CATSPER2: variants seen among roughly 807,000 people sequenced by gnomAD.
The protein encoded by CATSPER2 is cation channel sperm-associated protein 2.
A neutral mutation model predicts 68.8 loss-of-function variants in CATSPER2; 56 were observed. That is an observed-to-expected ratio of 0.81 (90% confidence interval 0.66 to 1.02). The LOEUF (loss-of-function observed/expected upper bound fraction) is 1.02, where lower values mean the gene tolerates loss of function less well. Ranked by LOEUF, CATSPER2 falls within the 50% of genes least tolerant of loss-of-function variation. The pLI, the probability that CATSPER2 is intolerant of heterozygous loss-of-function variation, is 0.00. For missense variants in CATSPER2, 582 were observed against 642.0 expected, an observed-to-expected ratio of 0.91 and a Z score of 1.01; for synonymous variants, 198 against 229.9, an observed-to-expected ratio of 0.86 and a Z score of 1.26.
intron 7 of CATSPER2, 39 bp from the exon 8 acceptor site, chr15:43,636,258 C>G (rs769193133): frequency 1.9e-6 from 3 of 1,607,814 alleles, no homozygotes; most frequent in Non-Finnish European, 2.6e-6. Context: ...AAGCAGAGAC[C>G]TAAACCTTTC....
intron 11 of CATSPER2, 136 bp downstream of exon 11, chr15:43,632,581 A>G: frequency 1.3e-6 from 2 of 1,546,250 alleles, no homozygotes; most frequent in East Asian, 2.2e-5. Context: ...GGAAATTAAG[A>G]AGCAAAAACA....
At chr15:43,646,686 A>T (rs1385493391) in intron 4 of CATSPER2, among the ~76,000 whole-genome samples, 2 of 150,902 alleles carry the variant, frequency 1.3e-5, no homozygotes, top group Non-Finnish European at 3.0e-5. Context: ...AGAAAAAAAA[A>T]TTACTCCTAC....
intron 5 of CATSPER2, chr15:43,640,003 A>C (rs2086044451): frequency 1.4e-6 from 2 of 1,448,168 alleles, no homozygotes; most frequent in Non-Finnish European, 1.8e-6. Flanking sequence ...AGGGGGATAA[A>C]ATTCATGGTT....
rs1486041851 is a variant in CATSPER2, at chr15:43,636,590, C to A, written c.843-371G>T. Among the ~76,000 whole-genome samples the A allele has an allele frequency of 3.3e-5, 5 of 151,446 alleles. No homozygotes were observed. The South Asian group carries it at 1.0e-3, about 32-fold the overall frequency. On this transcript the variant is annotated intron_variant, in intron 7 of 12. Transcript: ENST00000396879. Reference sequence around the variant, plus strand: ...ATTTTTAGTAGAGATGGGGTTTTGTCATGTTGGCCAGGCTGGTCTCGAACT... The same window carrying A: ...ATTTTTAGTAGAGATGGGGTTTTGTAATGTTGGCCAGGCTGGTCTCGAACT...
intron 7 of CATSPER2, among the ~76,000 whole-genome samples, chr15:43,637,189 A>T (rs1468744065): frequency 6.6e-6 from 1 of 151,950 alleles, no homozygotes; most frequent in African/African-American, 2.4e-5. Context: ...TCGCAAATTT[A>T]GCAAAATTTA....
chr15:43,645,458 C>T (rs1202872764), intron 4 of CATSPER2, among the ~76,000 whole-genome samples: 1 of 151,798 alleles, frequency 6.6e-6, no homozygotes, highest in Non-Finnish European at 1.5e-5. Flanking sequence ...GTGAAATAAA[C>T]AGCCAAGAGC....
At position 43,628,869 on chromosome 15, in the gene CATSPER2, G is replaced by C. The variant is rs1197983346; in HGVS notation, c.*1832C>G. ...CCAAATTTTAAGTGTACATTTTGTT[G>C]AATTTTTACATCTGTATATACCGGT... On this transcript the variant is annotated 3_prime_UTR_variant, in exon 13 of 13. Transcript: ENST00000396879. 1 of 146,170 alleles carries C rather than the reference G, an allele frequency of 6.8e-6. No homozygotes were observed. Among genetic ancestry groups the C allele is most frequent in the Non-Finnish European group, 1.5e-5 (1 of 67,312 alleles). The allele number at this position is 146,170 out of a possible 1,614,324, so 9.1% of individuals were successfully genotyped here.
chr15:43,639,590 C>G, intron 6 of CATSPER2, 53 bp downstream of exon 6: 2 of 1,610,140 alleles, frequency 1.2e-6, no homozygotes, highest in Non-Finnish European at 1.7e-6. Flanking sequence ...CTATGTTAAG[C>G]CCTCACATTT....
intron 2 of CATSPER2, 89 bp downstream of exon 2, chr15:43,647,828 C>G: frequency 6.9e-6 from 10 of 1,459,650 alleles, no homozygotes; most frequent in Non-Finnish European, 9.6e-6. Context: ...AAACCAGCAA[C>G]TAAACCTCCC....
chr15:43,635,559 C>T, intron 9 of CATSPER2, 143 bp from the exon 10 acceptor site: 4 of 1,089,086 alleles, frequency 3.7e-6, no homozygotes, highest in South Asian at 1.3e-5. Flanking sequence ...ATGGAGGACA[C>T]CCCACAGTGG....
rs12898584 is a variant in CATSPER2 at position 43,635,172 on chromosome 15, T to C, written c.1178+188A>G. On this transcript the variant is annotated intron_variant, in intron 10 of 12. Coordinates refer to ENST00000396879, the MANE Select transcript of CATSPER2 (RefSeq NM_172095.4). ...CTTAGGATCTTTTTTTTTTTCCAAA[T>C]AAGGTCACATTCACAGGTTCCAGGG... 93,903 of 650,816 alleles carry C rather than the reference T, an allele frequency of 0.14. 8,463 individuals carry two copies. Among genetic ancestry groups the C allele is most frequent in the Middle Eastern group, 0.23 (893 of 3,858 alleles). The allele number at this position is 650,816 out of a possible 1,614,324, so 40.3% of individuals were successfully genotyped here.
At chr15:43,630,919 TTGCTG>T (rs2085859778) in intron 12 of CATSPER2, among the ~76,000 whole-genome samples, 187 bp from the exon 13 acceptor site, 2 of 152,002 alleles carry the variant, frequency 1.3e-5, no homozygotes, top group Non-Finnish European at 2.9e-5. Flanking sequence ...AGAAACTACC[TTGCTG>T]CATTTTCCTC....
chr15:43,645,046 T>C (rs1468041958), intron 4 of CATSPER2, among the ~76,000 whole-genome samples: 1 of 152,000 alleles, frequency 6.6e-6, no homozygotes, highest in African/African-American at 2.4e-5. Context: ...ATCTTTGACC[T>C]GACTGCAGTA....
chr15:43,643,350 CTTTCT>C (rs1271446779), intron 4 of CATSPER2, among the ~76,000 whole-genome samples: 1 of 151,592 alleles, frequency 6.6e-6, no homozygotes, highest in Non-Finnish European at 1.5e-5. Context: ...AACATAATTT[CTTTCT>C]TTTTTTTTTT....
intron 2 of CATSPER2, 58 bp from the exon 3 acceptor site, chr15:43,647,525 G>T: frequency 6.5e-7 from 1 of 1,536,666 alleles, no homozygotes; most frequent in South Asian, 1.1e-5. Context: ...GACCAGGTAG[G>T]GTTGGGGGCA....
At chr15:43,639,342 T>A in intron 6 of CATSPER2, 1 of 453,340 alleles carries the variant, frequency 2.2e-6, no homozygotes, top group African/African-American at 2.0e-5. Context: ...CCTCCCGGGT[T>A]CAAGTGATTC....
chr15:43,632,260 A>T lies in CATSPER2; in HGVS notation c.1500T>A (p.Phe500Leu), dbSNP rs1461745418. 2 of 1,613,640 alleles carry T rather than the reference A, an allele frequency of 1.2e-6. No individual in the cohort carries two copies. Reference sequence around the variant, plus strand: ...TATACTGAAGCTTTTCTAGCAACTCAAAATATCGGAAGAGTGAGTCTCTGG... The same window carrying T: ...TATACTGAAGCTTTTCTAGCAACTCTAAATATCGGAAGAGTGAGTCTCTGG... ...VWPRDSLFRY[F>L]ELLEKLQYNL... is the part of the protein sequence containing the mutation. Residue 500 changes from phenylalanine (F) to leucine (L), a missense_variant, in exon 12 of 13, where the codon TTT becomes TTA. Physicochemically the swap from Phe to Leu is conservative, Grantham distance 22. This residue lies in a region of CATSPER2 where 235 missense variants were observed against 264.2 expected (regional missense o/e 0.89). Coordinates refer to ENST00000396879, the MANE Select transcript of CATSPER2 (RefSeq NM_172095.4).
rs2086016964 is a variant in CATSPER2 at position 43,638,920 on chromosome 15, A to G, written c.826T>C (p.Tyr276His). 1 of 1,613,002 alleles carries G rather than the reference A, an allele frequency of 6.2e-7. No individual in the cohort carries two copies. The highest frequency in any genetic ancestry group is 1.7e-4 in the Middle Eastern group (1 of 6,058). The change falls in exon 7 of 13, where the codon TAC (tyrosine) becomes CAC (histidine). Residue 276 changes from tyrosine (Y) to histidine (H), a missense_variant. By Grantham distance (83) the Tyr-to-His change is moderately conservative. This residue lies in a region of CATSPER2 where 91 missense variants were observed against 72.8 expected (regional missense o/e 1.25). Coordinates refer to ENST00000396879, the MANE Select transcript of CATSPER2 (RefSeq NM_172095.4). ...YTRSPRQDLE[Y>H]HVFFSDLPNS... ...TCTGCTTACGAGAAGAACACATGGT[A>G]CTCCAGGTCCTGACGAGGTGAACGG...
At chr15:43,648,097 C>T (rs1434241290) in intron 1 of CATSPER2, 34 bp from the exon 2 acceptor site, 1 of 1,611,008 alleles carries the variant, frequency 6.2e-7, no homozygotes, top group South Asian at 1.1e-5. Flanking sequence ...AGTGTCATTT[C>T]ATTCTTGGAG....
Sources: gnomAD v4.1 joint callset for allele counts (sites outside exome capture counted in the v4.1 genomes callset) on GRCh38, gnomAD v4.1.1 for gene constraint, gnomAD v4.1.1 regional missense constraint, MANE v1.5 for transcripts, NCBI Gene and HGNC (gene_info 2026-07-23, HGNC 2026-07-21) for gene names.